CLUH: variants seen among roughly 807,000 people sequenced by gnomAD.
The protein encoded by CLUH is clustered mitochondria protein homolog.
CLUH carries 77 observed loss-of-function variants against 139.3 expected under a neutral mutation model. The ratio of observed to expected loss-of-function variants is 0.55; its 90% CI spans 0.46 to 0.67. CLUH has a LOEUF of 0.67. CLUH is among the 30% of genes least tolerant of loss of function. The pLI, the probability that CLUH is intolerant of heterozygous loss-of-function variation, is 0.00. For synonymous variants in CLUH, 999 were observed against 801.6 expected, an observed-to-expected ratio of 1.25 and a Z score of -4.16; for missense variants, 1,876 against 1,875.8, an observed-to-expected ratio of 1.00 and a Z score of 0.00.
At chr17:2,695,597 G>A (rs2069909443) in intron 13 of CLUH, 71 bp from the exon 14 acceptor site, 1 of 1,482,186 alleles carries the variant, frequency 6.7e-7, no homozygotes, top group Non-Finnish European at 9.0e-7. Flanking sequence ...TTCTGGGGGA[G>A]CACAGCTATC....
rs886666146 is a variant in CLUH at position 2,695,394 on chromosome 17, G to C, written c.2524C>G (p.His842Asp). The part of the protein sequence containing the change: ...LELVLRSPAR[H>D]QLDHVFKIGI... ...CTCACAAAGACGTGGTCCAGCTGGT[G>C]GCGGGCCGGGCTCCGCAGCACCAGC... The change falls in exon 14 of 26, where the codon CAC becomes GAC. Residue 842 changes from histidine to aspartate, a missense_variant. By Grantham distance (81) the His-to-Asp change is moderately conservative. Transcript: ENST00000651024. 6.2e-7 allele frequency: 1 copy of C among 1,612,696 alleles called. No homozygotes were observed. The highest frequency in any genetic ancestry group is 1.1e-5 in the South Asian group (1 of 91,044).
In CLUH at chr17:2,695,446, G is replaced by A; in HGVS notation, c.2472C>T (p.Asn824=). ...CCAGCACCTTGCCCAGGTAGCGCAT[G>A]TTGATGCCCCGCTGGCGCATCACCT... ...LAEVMRQRGI[N]MRYLGKVLEL... Residue 824 remains asparagine, a synonymous_variant, in exon 14 of 26, where the codon AAC becomes AAT. Coordinates refer to ENST00000651024, the MANE Select transcript of CLUH (RefSeq NM_001366661.1). The A allele has an allele frequency of 5.0e-6, 8 of 1,612,172 alleles. No homozygotes were observed. The highest frequency in any genetic ancestry group is 6.8e-6 in the Non-Finnish European group (8 of 1,179,760).
intron 23 of CLUH, 54 bp from the exon 24 acceptor site, chr17:2,691,949 C>G: frequency 8.5e-7 from 1 of 1,176,798 alleles, no homozygotes; most frequent in Non-Finnish European, 1.1e-6. Context: ...GGCCCCGCCC[C>G]CGCCCCGCCA....
rs905504552 is a variant in CLUH at position 2,690,474 on chromosome 17, G to C, written c.*120C>G. 5 of 877,096 alleles carry C rather than the reference G, an allele frequency of 5.7e-6. No individual in the cohort carries two copies. Among genetic ancestry groups the C allele is most frequent in the African/African-American group, 1.8e-5 (1 of 56,354 alleles). 54.3% of individuals were successfully genotyped at this position (877,096 alleles called of 1,614,324 possible). A position where few individuals can be genotyped will look rare whatever the true frequency, so the allele number is the denominator to read the frequency against. ...CCCAGGAGGACACGGGGGTGGGGTG[G>C]GGTGAGACGTGGAGGAAGAGGGCCT... On this transcript the variant is annotated 3_prime_UTR_variant, in exon 26 of 26. Transcript: ENST00000651024.
Position 2,693,759 on chromosome 17 carries a change from G to A in CLUH, c.3231+141C>T, listed in dbSNP as rs1226797592. ...CCCGCTCGGGACACAGTTACAGAGGGGTGGAGCCAGGGGTGGCCTGGGCAG... is the reference window on the plus strand; with the variant it reads ...CCCGCTCGGGACACAGTTACAGAGGAGTGGAGCCAGGGGTGGCCTGGGCAG... On this transcript the variant is annotated intron_variant, in intron 19 of 25. Transcript: ENST00000651024. The A allele has an allele frequency of 2.7e-5, 29 of 1,074,008 alleles. 1 individual carries two copies. The East Asian group carries it at 7.0e-4, about 26-fold the overall frequency. The allele number at this position is 1,074,008 out of a possible 1,614,324, so 66.5% of individuals were successfully genotyped here.
At chr17:2,691,569 C>T (rs779896187) in intron 25 of CLUH, 40 bp downstream of exon 25, 19 of 1,589,306 alleles carry the variant, frequency 1.2e-5, no homozygotes, top group Admixed American at 3.4e-5. Flanking sequence ...TCACAAAAAA[C>T]CCCCAACCGG....
rs35413556 is a variant in CLUH, at chr17:2,707,778, G to C, written c.101-3214C>G. 5 of 985,448 alleles carry C rather than the reference G, an allele frequency of 5.1e-6. No individual in the cohort carries two copies. The highest frequency in any genetic ancestry group is 6.0e-6 in the Non-Finnish European group (5 of 829,924). 61.0% of individuals were successfully genotyped at this position (985,448 alleles called of 1,614,324 possible). A position where few individuals can be genotyped will look rare whatever the true frequency, so the allele number is the denominator to read the frequency against. On this transcript the variant is annotated intron_variant, in intron 1 of 25. Transcript: ENST00000651024. This position sits in a 1 kb window ranked among gnomAD's most constrained non-coding sequence, Gnocchi z 7.4. ...TCTGCCCACCAGTCCCAGACACTGA[G>C]CACCCCACTGTCCCTGGGCCAAGGG...
Position 2,700,662 on chromosome 17 carries a change from G to A in CLUH, c.1173+16C>T, listed in dbSNP as rs1215966326. ...GGCAGGGGTGCCCAGCGAGGGCAGGGCCAGGTTGCAGGCACCTGTCCAGGA... is the reference window on the plus strand; with the variant it reads ...GGCAGGGGTGCCCAGCGAGGGCAGGACCAGGTTGCAGGCACCTGTCCAGGA... On this transcript the variant is annotated intron_variant, in intron 8 of 25. Coordinates refer to ENST00000651024, the MANE Select transcript of CLUH (RefSeq NM_001366661.1). 2.6e-6 allele frequency: 4 copies of A among 1,518,402 alleles called. No individual in the cohort carries two copies. In the Middle Eastern group the frequency reaches 5.3e-4, roughly 202 times the overall value. The allele number at this position is 1,518,402 out of a possible 1,614,324, so 94.1% of individuals were successfully genotyped here. A position where few individuals can be genotyped will look rare whatever the true frequency, so the allele number is the denominator to read the frequency against.
rs2069633777 is a variant in CLUH at position 2,691,547 on chromosome 17, CGA to C, written c.3863+60_3863+61del. The C allele has an allele frequency of 2.0e-6, 3 of 1,522,334 alleles. No homozygotes were observed. In the African/African-American group the frequency reaches 4.1e-5, roughly 21 times the overall value. The allele number at this position is 1,522,334 out of a possible 1,614,324, so 94.3% of individuals were successfully genotyped here. ...CCGCACTCCAGCCCGGGTGACAGGG[CGA>C]GACTCCGACTCACAAAAAACCCCCA... On this transcript the variant is annotated intron_variant, in intron 25 of 25. Transcript: ENST00000651024.
chr17:2,691,989 G>GCCCCCC lies in CLUH; in HGVS notation c.3654+14_3654+15insGGGGGG. ...CCCGCCCCGCCCCCGCCCCCGCCAC[G>GCCCCCC]CCCCCGCCGCGCACCTGCGTCTTGT... is the stretch of plus-strand genomic sequence containing the variant. On this transcript the variant is annotated intron_variant, in intron 23 of 25. Coordinates refer to ENST00000651024, the MANE Select transcript of CLUH (RefSeq NM_001366661.1). 8.2e-7 allele frequency: 1 copy of GCCCCCC among 1,213,080 alleles called. No individual in the cohort carries two copies. The highest frequency in any genetic ancestry group is 3.0e-5 in the Admixed American group (1 of 33,410). The allele number at this position is 1,213,080 out of a possible 1,614,324, so 75.1% of individuals were successfully genotyped here.
rs546893697 is a variant in CLUH at position 2,708,542 on chromosome 17, A to C, written c.100+3020T>G. ...CAGAAGGCTAGGAAGCAGCTGCCCA[A>C]GGTCACAGAGGCAAGAGGAGCCAAC... On this transcript the variant is annotated intron_variant, in intron 1 of 25. Transcript: ENST00000651024. Among the ~76,000 whole-genome samples the C allele has an allele frequency of 2.2e-3, 341 of 152,242 alleles. 2 individuals are homozygous for C. Among genetic ancestry groups the C allele is most frequent in the Admixed American group, 4.6e-3 (70 of 15,306 alleles).
chr17:2,692,020 G>T lies in CLUH; in HGVS notation c.3638C>A (p.Thr1213Asn). 1 of 1,574,688 alleles carries T rather than the reference G, an allele frequency of 6.4e-7. No homozygotes were observed. ...SALQHEKEGYTIYKTQLGEDH... is the reference protein window; with the variant it reads ...SALQHEKEGYNIYKTQLGEDH... ...GCCGCGCACCTGCGTCTTGTAGATG[G>T]TGTAACCCTCCTTCTCGTGCTGCAG... The change falls in exon 23 of 26, where the codon ACC becomes AAC. Residue 1213 changes from threonine (T) to asparagine (N), a missense_variant. By Grantham distance (65) the Thr-to-Asn change is moderately conservative. Transcript: ENST00000651024.
chr17:2,694,595 C>T, intron 16 of CLUH, 31 bp from the exon 17 acceptor site: 1 of 1,539,388 alleles, frequency 6.5e-7, no homozygotes, highest in Non-Finnish European at 8.8e-7. Context: ...CTGAGCAGCC[C>T]AAGCACCGCC....
intron 9 of CLUH, among the ~76,000 whole-genome samples, chr17:2,699,597 G>C (rs1274522563): frequency 6.6e-6 from 1 of 152,152 alleles, no homozygotes; most frequent in Non-Finnish European, 1.5e-5. Context: ...CAAAGTGCTA[G>C]GATTACAGGC....
Position 2,698,542 on chromosome 17 carries a change from T to C in CLUH, c.1315A>G (p.Ile439Val), listed in dbSNP as rs147005034. Residue 439 changes from isoleucine to valine, a missense_variant, in exon 10 of 26, where the codon ATT becomes GTT. Around this residue, in one of 3 missense-constraint regions of CLUH, gnomAD observed 1,454 missense variants for 1,384.4 expected, o/e 1.05. Coordinates refer to ENST00000651024, the MANE Select transcript of CLUH (RefSeq NM_001366661.1). ...AAATRGAMAV[I>V]DGNVMAINPS... ...TTGATGGCCATCACGTTGCCGTCAATGACGGCCATGGCGCCCCTGGTGGCT... is the reference window on the plus strand; with the variant it reads ...TTGATGGCCATCACGTTGCCGTCAACGACGGCCATGGCGCCCCTGGTGGCT... The C allele has an allele frequency of 1.9e-3, 3,142 of 1,611,488 alleles. 89 individuals are homozygous for C. In the East Asian group the frequency reaches 0.06, roughly 31 times the overall value.
intron 1 of CLUH, among the ~76,000 whole-genome samples, chr17:2,710,472 A>C (rs1176879734): frequency 6.6e-6 from 1 of 152,192 alleles, no homozygotes; most frequent in African/African-American, 2.4e-5. Flanking sequence ...GAAGCTAGGA[A>C]GGGAGATGAT....
chr17:2,694,076 G>T, intron 18 of CLUH, 37 bp from the exon 19 acceptor site: 1 of 1,613,842 alleles, frequency 6.2e-7, no homozygotes, highest in Non-Finnish European at 8.5e-7. Context: ...GGTCAGGACG[G>T]GCCATGGGGA....
rs1467425838 is a variant in CLUH at position 2,700,504 on chromosome 17, G to T, written c.1174-30C>A. 4 of 1,598,724 alleles carry T rather than the reference G, an allele frequency of 2.5e-6. No homozygotes were observed. In the East Asian group the frequency reaches 9.0e-5, roughly 36 times the overall value. ...AGAGAGATCAGGGAGGGAAAAACGA[G>T]CTCAGCCTGTGCCCTGTGACCTGCT... On this transcript the variant is annotated intron_variant, in intron 8 of 25. Coordinates refer to ENST00000651024, the MANE Select transcript of CLUH (RefSeq NM_001366661.1).
chr17:2,695,435 A>T lies in CLUH; in HGVS notation c.2483T>A (p.Leu828Gln). The change falls in exon 14 of 26, where the codon CTG becomes CAG. Residue 828 changes from leucine to glutamine, a missense_variant. By Grantham distance (113) the Leu-to-Gln change is moderately radical (BLOSUM62 -2). Coordinates refer to ENST00000651024, the MANE Select transcript of CLUH (RefSeq NM_001366661.1). The stretch of plus-strand genomic sequence containing the variant: ...CAGCACCAGCTCCAGCACCTTGCCC[A>T]GGTAGCGCATGTTGATGCCCCGCTG... Reference protein sequence around the residue: ...MRQRGINMRYLGKVLELVLRS... With the variant: ...MRQRGINMRYQGKVLELVLRS... 1 of 1,612,480 alleles carries T rather than the reference A, an allele frequency of 6.2e-7. No individual in the cohort carries two copies. Among genetic ancestry groups the T allele is most frequent in the Non-Finnish European group, 8.5e-7 (1 of 1,179,766 alleles).
Sources: gnomAD v4.1 joint callset for allele counts (sites outside exome capture counted in the v4.1 genomes callset) on GRCh38, gnomAD v4.1.1 for gene constraint, gnomAD v4.1.1 regional missense constraint, Gnocchi (gnomAD v3.1) non-coding constraint, MANE v1.5 for transcripts, NCBI Gene and HGNC (gene_info 2026-07-23, HGNC 2026-07-21) for gene names.